The following AGTPBP1 variants were observed in gnomAD, a reference collection of about 807,000 sequenced individuals.
AGTPBP1 encodes cytosolic carboxypeptidase 1.
Under a neutral mutation model 143.9 loss-of-function variants are expected in AGTPBP1, and 70 were observed. The observed-to-expected ratio is 0.49, with a 90% CI of 0.40 to 0.59. The LOEUF is 0.59. Among genes scored for constraint, AGTPBP1 ranks in the 20% least tolerant of loss-of-function variants. The pLI, the probability that AGTPBP1 is intolerant of heterozygous loss-of-function variation, is 0.00. For missense variants in AGTPBP1, 1,229 were observed against 1,464.5 expected, an observed-to-expected ratio of 0.84 and a Z score of 2.62; for synonymous variants, 463 against 500.2, an observed-to-expected ratio of 0.93 and a Z score of 0.99.
the AGTPBP1 span, among the ~76,000 whole-genome samples, chr9:85,750,513 TA>T: frequency 6.6e-6 from 1 of 152,220 alleles, no homozygotes. Context: ...AACCTTGTTC[TA>T]AAAATGTAAA....
chr9:85,586,608 T>G (rs921942148), intron 22 of AGTPBP1, among the ~76,000 whole-genome samples: 2 of 152,136 alleles, frequency 1.3e-5, no homozygotes, highest in Admixed American at 1.3e-4. Context: ...GTTCAAACAG[T>G]GAAGTTAAAT....
intron 3 of AGTPBP1, among the ~76,000 whole-genome samples, chr9:85,689,487 T>C (rs1835701019): frequency 6.6e-6 from 1 of 152,164 alleles, no homozygotes; most frequent in Non-Finnish European, 1.5e-5. Flanking sequence ...CAAAAATTAC[T>C]CACACATTCT....
At chr9:85,704,253 C>T (rs1194369942) in intron 2 of AGTPBP1, among the ~76,000 whole-genome samples, 1 of 151,974 alleles carries the variant, frequency 6.6e-6, no homozygotes, top group Non-Finnish European at 1.5e-5. Flanking sequence ...GCTAGAATTC[C>T]AAGAAGAGAT....
chr9:85,646,478 C>A, intron 11 of AGTPBP1, 60 bp from the exon 12 acceptor site: 1 of 1,130,360 alleles, frequency 8.8e-7, no homozygotes, highest in South Asian at 1.3e-5. Flanking sequence ...TATGCATAGC[C>A]AATGGTAGAA....
the AGTPBP1 span, among the ~76,000 whole-genome samples, chr9:85,760,715 A>G: frequency 6.6e-6 from 1 of 152,348 alleles, no homozygotes; most frequent in Non-Finnish European, 1.5e-5. Flanking sequence ...GGCACAAGAC[A>G]GGGATGCCCT....
chr9:85,586,206 G>GA (rs202123016), intron 22 of AGTPBP1, among the ~76,000 whole-genome samples: 1,107 of 105,796 alleles, frequency 0.01, 2 homozygotes, highest in African/African-American at 0.03. Flanking sequence ...ACTCCATCTC[G>GA]AAAAAAAAAA....
chr9:85,611,233 G>C (rs965149175), intron 17 of AGTPBP1, among the ~76,000 whole-genome samples: 1 of 98,798 alleles, frequency 1.0e-5, no homozygotes, highest in Non-Finnish European at 2.1e-5. Context: ...AAAAAATAAA[G>C]AAAACAATAA....
At chr9:85,700,650 G>C (rs947081024) in intron 2 of AGTPBP1, among the ~76,000 whole-genome samples, 4 of 152,194 alleles carry the variant, frequency 2.6e-5, no homozygotes, top group African/African-American at 9.6e-5. Flanking sequence ...CACTTCGCAA[G>C]TTTTGCTTTT....
intron 1 of AGTPBP1, 119 bp downstream of exon 1, chr9:85,741,656 G>A (rs1824295702): frequency 8.0e-7 from 1 of 1,250,892 alleles, no homozygotes; most frequent in Non-Finnish European, 1.0e-6. Context: ...TCAGGTAAGG[G>A]GCGCAGGGAT....
chr9:85,789,695 C>T, the AGTPBP1 span, among the ~76,000 whole-genome samples: 2 of 152,054 alleles, frequency 1.3e-5, no homozygotes, highest in African/African-American at 2.4e-5. Flanking sequence ...TCCAAGGAGT[C>T]GGCAAAAATA....
the AGTPBP1 span, among the ~76,000 whole-genome samples, chr9:85,802,030 T>C: frequency 2.0e-5 from 3 of 152,186 alleles, no homozygotes; most frequent in East Asian, 5.8e-4. Flanking sequence ...TTACCTCCTT[T>C]CAAAGGATCT....
intron 14 of AGTPBP1, among the ~76,000 whole-genome samples, chr9:85,631,802 C>A (rs966677951): frequency 6.6e-6 from 1 of 152,114 alleles, no homozygotes; most frequent in African/African-American, 2.4e-5. Context: ...AAGCCATTAT[C>A]ATAAAACCTT....
the AGTPBP1 span, among the ~76,000 whole-genome samples, chr9:85,785,150 C>T: frequency 7.2e-5 from 11 of 151,948 alleles, no homozygotes; most frequent in African/African-American, 2.2e-4. Flanking sequence ...CTGGCTAACA[C>T]GGTGAAACCC....
chr9:85,671,533 G>T (rs532200794), intron 7 of AGTPBP1, among the ~76,000 whole-genome samples: 1 of 152,132 alleles, frequency 6.6e-6, no homozygotes, highest in African/African-American at 2.4e-5. Context: ...ATAAGCTTAT[G>T]TATGTTTATA....
chr9:85,619,111 A>C lies in AGTPBP1; in HGVS notation c.2207T>G (p.Leu736Arg), dbSNP rs753903983. ...ATGATTGCTGTTTATGTCTGAGTTC[A>C]GAATAAGATCATATTCATTTCTGAA... ...QIRKNEYDLI[L>R]NSDINSNHYH... Residue 736 changes from leucine (L) to arginine (R), a missense_variant, in exon 17 of 26, where the codon CTG becomes CGG. By Grantham distance (102) the Leu-to-Arg change is moderately radical (BLOSUM62 -2). Transcript: ENST00000357081. 1.2e-6 allele frequency: 2 copies of C among 1,613,364 alleles called. No individual in the cohort carries two copies. The highest frequency in any genetic ancestry group is 2.2e-5 in the South Asian group (2 of 90,982).
At chr9:85,694,494 C>A (rs1443864954) in intron 2 of AGTPBP1, among the ~76,000 whole-genome samples, 1 of 152,186 alleles carries the variant, frequency 6.6e-6, no homozygotes, top group Non-Finnish European at 1.5e-5. Flanking sequence ...ATCCTGTGGT[C>A]ACTTCTAACC....
the AGTPBP1 span, among the ~76,000 whole-genome samples, chr9:85,758,875 C>A: frequency 6.6e-6 from 1 of 152,004 alleles, no homozygotes; most frequent in Admixed American, 6.5e-5. Flanking sequence ...AGACTCTAGG[C>A]CTCTCACGTG....
chr9:85,729,626 G>C (rs1175120034), intron 1 of AGTPBP1, among the ~76,000 whole-genome samples: 1 of 151,920 alleles, frequency 6.6e-6, no homozygotes, highest in Admixed American at 6.6e-5. Context: ...TAGATATATA[G>C]CTTATCTCAA....
chr9:85,739,791 A>G (rs545328809), intron 1 of AGTPBP1, among the ~76,000 whole-genome samples: 5 of 151,920 alleles, frequency 3.3e-5, no homozygotes, highest in Middle Eastern at 3.4e-3. Flanking sequence ...AGGCTAGTGG[A>G]TCACCTGAGG....
Sources: gnomAD v4.1 joint callset for allele counts (sites outside exome capture counted in the v4.1 genomes callset) on GRCh38, gnomAD v4.1.1 for gene constraint, MANE v1.5 for transcripts, NCBI Gene and HGNC (gene_info 2026-07-23, HGNC 2026-07-21) for gene names.